PLEKHA6: variants seen among roughly 807,000 people sequenced by gnomAD.
PLEKHA6 encodes pleckstrin homology domain containing A6.
A neutral mutation model predicts 116.7 loss-of-function variants in PLEKHA6; 60 were observed. The observed-to-expected ratio is 0.51, with a 90% confidence interval of 0.42 to 0.64. The LOEUF is 0.64. PLEKHA6 is among the 30% of genes least tolerant of loss of function. The pLI is 0.00. For synonymous variants in PLEKHA6, 489 were observed against 556.1 expected (o/e 0.88, Z 1.70); for missense variants, 1,338 against 1,422.7 (o/e 0.94, Z 0.96).
chr1:204,262,891 C>T (rs1012525393), intron 6 of PLEKHA6, among the ~76,000 whole-genome samples: 2 of 152,060 alleles, frequency 1.3e-5, no homozygotes, highest in African/African-American at 2.4e-5. Flanking sequence ...GATAGAGAGA[C>T]CAGGGGCCCA....
In PLEKHA6 at chr1:204,245,680, T is replaced by C. The variant is rs775915212; in HGVS notation, c.1967A>G (p.Gln656Arg). 2 of 1,613,826 alleles carry C rather than the reference T, an allele frequency of 1.2e-6. No individual in the cohort carries two copies. The highest frequency in any genetic ancestry group is 1.7e-5 in the Admixed American group (1 of 59,996). Residue 656 changes from glutamine (Q) to arginine (R), a missense_variant, in exon 14 of 23, where the codon CAG (glutamine) becomes CGG (arginine). Physicochemically the swap from Gln to Arg is conservative, Grantham distance 43. This residue lies in a region of PLEKHA6 where 1,136 missense variants were observed against 1,163.6 expected (regional missense o/e 0.98). Coordinates refer to ENST00000272203, the MANE Select transcript of PLEKHA6 (RefSeq NM_014935.5). ...CTTCCTCAGCCCCTCCATCACGTCCTGGATCCTCCAGATCTCCTTTTGGAT... is the reference window on the plus strand; with the variant it reads ...CTTCCTCAGCCCCTCCATCACGTCCCGGATCCTCCAGATCTCCTTTTGGAT... Reference protein sequence around the residue: ...RQIQKEIWRIQDVMEGLRKNN... With the variant: ...RQIQKEIWRIRDVMEGLRKNN...
intron 1 of PLEKHA6, among the ~76,000 whole-genome samples, chr1:204,337,548 A>G (rs1419329574): frequency 6.6e-6 from 1 of 152,248 alleles, no homozygotes; most frequent in Admixed American, 6.5e-5. Context: ...ATGAGGAAAA[A>G]GAAAGAATTA....
chr1:204,280,994 C>T lies in PLEKHA6; in HGVS notation c.-94-6185G>A, dbSNP rs183014506. On this transcript the variant is annotated intron_variant, in intron 1 of 22. Coordinates refer to ENST00000272203, the MANE Select transcript of PLEKHA6 (RefSeq NM_014935.5). ...AGAGGGTCAGGCCCTGGCAGCACTTCTAGGTATTTGCAGGTGGGAAGGAAC... is the reference window on the plus strand; with the variant it reads ...AGAGGGTCAGGCCCTGGCAGCACTTTTAGGTATTTGCAGGTGGGAAGGAAC... 35 of 984,864 alleles carry T rather than the reference C, an allele frequency of 3.6e-5. No homozygotes were observed. In the East Asian group the frequency reaches 3.9e-3, roughly 109 times the overall value. 61.0% of individuals were successfully genotyped at this position (984,864 alleles called of 1,614,324 possible).
chr1:204,316,761 T>C (rs1225751526), intron 1 of PLEKHA6, among the ~76,000 whole-genome samples: 1 of 152,248 alleles, frequency 6.6e-6, no homozygotes, highest in Non-Finnish European at 1.5e-5. Flanking sequence ...TTTGAACCCA[T>C]TCCCCACTAG....
In PLEKHA6 at chr1:204,245,677, T is replaced by C. The variant is rs902249029; in HGVS notation, c.1970A>G (p.Asp657Gly). Residue 657 changes from aspartate to glycine, a missense_variant, in exon 14 of 23, where the codon GAC becomes GGC. Transcript: ENST00000272203. ...QIQKEIWRIQ[D>G]VMEGLRKNNP... The stretch of plus-strand genomic sequence containing the variant: ...GTTCTTCCTCAGCCCCTCCATCACG[T>C]CCTGGATCCTCCAGATCTCCTTTTG... 2 of 1,613,686 alleles carry C rather than the reference T, an allele frequency of 1.2e-6. No individual in the cohort carries two copies. The highest frequency in any genetic ancestry group is 1.7e-6 in the Non-Finnish European group (2 of 1,179,856).
chr1:204,377,621 G>A (rs12751225), exon 1 of PLEKHA6: 1 of 152,316 alleles, frequency 6.6e-6, no homozygotes. Context: ...CAACTCCGTA[G>A]GCCCACCGGC....
intron 21 of PLEKHA6, among the ~76,000 whole-genome samples, chr1:204,224,090 C>T (rs531735009): frequency 1.3e-5 from 2 of 152,080 alleles, no homozygotes; most frequent in Non-Finnish European, 2.9e-5. Context: ...AAACTTAAAG[C>T]GAGTTCTGTC....
chr1:204,328,037 TTTTATTTATTTTA>T (rs1434448497), intron 1 of PLEKHA6, among the ~76,000 whole-genome samples: 1 of 131,166 alleles, frequency 7.6e-6, no homozygotes, highest in Non-Finnish European at 1.6e-5. Context: ...AAGAAGCTGC[TTTTATTTATTTTA>T]TTTATTTATT....
intron 14 of PLEKHA6, 45 bp from the exon 15 acceptor site, chr1:204,245,048 G>T: frequency 7.4e-7 from 1 of 1,348,872 alleles, no homozygotes; most frequent in Non-Finnish European, 9.6e-7. Context: ...GGAGGGGTGC[G>T]GCCTGGTGGG....
intron 1 of PLEKHA6, among the ~76,000 whole-genome samples, chr1:204,347,787 G>A (rs1673118745): frequency 6.6e-6 from 1 of 152,104 alleles, no homozygotes; most frequent in Non-Finnish European, 1.5e-5. Context: ...GGTCACCCTG[G>A]ACAAGCTGGG....
chr1:204,247,188 C>T (rs1663814412), intron 13 of PLEKHA6, among the ~76,000 whole-genome samples, 177 bp downstream of exon 13: 1 of 152,206 alleles, frequency 6.6e-6, no homozygotes, highest in African/African-American at 2.4e-5. Context: ...TAACTGAAGT[C>T]TCCCAAGCTT....
rs531113101 is a variant in PLEKHA6 at position 204,253,846 on chromosome 1, A to C, written c.1525-3232T>G. Among the ~76,000 whole-genome samples, 17 of 145,062 alleles carry C rather than the reference A, an allele frequency of 1.2e-4. No individual in the cohort carries two copies. The East Asian group carries it at 1.6e-3, about 14-fold the overall frequency. ...GAGATCTTGTCTCAAAAAAAAAAAAAAAAACAAAAACAAAAACAAACAAAC... is the reference window on the plus strand; with the variant it reads ...GAGATCTTGTCTCAAAAAAAAAAAACAAAACAAAAACAAAAACAAACAAAC... On this transcript the variant is annotated intron_variant, in intron 9 of 22. Transcript: ENST00000272203.
At chr1:204,354,134 C>G (rs1282765686) in intron 1 of PLEKHA6, among the ~76,000 whole-genome samples, 1 of 152,186 alleles carries the variant, frequency 6.6e-6, no homozygotes, top group East Asian at 1.9e-4. Flanking sequence ...ATGAGCCAGA[C>G]TGGGGGGACA....
intron 1 of PLEKHA6, among the ~76,000 whole-genome samples, chr1:204,326,118 C>G (rs1672233963): frequency 6.6e-6 from 1 of 152,212 alleles, no homozygotes; most frequent in African/African-American, 2.4e-5. Context: ...TCCACGTGTC[C>G]AGTCCTGCTG....
chr1:204,292,518 C>CCCCCTGGCTG (rs1669872358), intron 1 of PLEKHA6, among the ~76,000 whole-genome samples: 1 of 151,966 alleles, frequency 6.6e-6, no homozygotes, highest in East Asian at 1.9e-4. Context: ...CTGTGTCCCT[C>CCCCCTGGCTG]ACCCTGGCTG....
At chr1:204,367,629 CA>C (rs1386271803) in intron 3 of PLEKHA6, among the ~76,000 whole-genome samples, 1 of 152,176 alleles carries the variant, frequency 6.6e-6, no homozygotes, top group Non-Finnish European at 1.5e-5. Context: ...CGCACTGATA[CA>C]TACGTTCCCA....
chr1:204,257,979 C>T lies in PLEKHA6; in HGVS notation c.1008-110G>A. On this transcript the variant is annotated intron_variant, in intron 8 of 22. Coordinates refer to ENST00000272203, the MANE Select transcript of PLEKHA6 (RefSeq NM_014935.5). This position sits in a 1 kb window ranked among gnomAD's most constrained non-coding sequence, Gnocchi z 6.5. ...CTAGAGCAGGGTGCTTGAATAGGTA[C>T]ACAGGGGCTGAGGTTTATTCCAGAG... 1.1e-6 allele frequency: 1 copy of T among 925,412 alleles called. No individual in the cohort carries two copies. Among genetic ancestry groups the T allele is most frequent in the Non-Finnish European group, 1.6e-6 (1 of 615,182 alleles). The allele number at this position is 925,412 out of a possible 1,614,324, so 57.3% of individuals were successfully genotyped here. A position where few individuals can be genotyped will look rare whatever the true frequency, so the allele number is the denominator to read the frequency against.
rs60251937 is a variant in PLEKHA6, at chr1:204,308,687, C to CTTTTT, written c.-94-33883_-94-33879dup. Among the ~76,000 whole-genome samples the CTTTTT allele has an allele frequency of 4.8e-3, 393 of 81,380 alleles. 39 individuals carry two copies. Among genetic ancestry groups the CTTTTT allele is most frequent in the South Asian group, 0.014 (28 of 2,022 alleles). 53.4% of individuals were successfully genotyped at this position (81,380 alleles called of 152,430 possible). A position where few individuals can be genotyped will look rare whatever the true frequency, so the allele number is the denominator to read the frequency against. ...CAAGAAGGTAATTCTTTTTCTTTTTCTTTTTTTTTTTTTTTTTTTTTGAGA... is the reference window on the plus strand; with the variant it reads ...CAAGAAGGTAATTCTTTTTCTTTTTCTTTTTTTTTTTTTTTTTTTTTTTTTTGAGA... On this transcript the variant is annotated intron_variant, in intron 1 of 22. Coordinates refer to ENST00000272203, the MANE Select transcript of PLEKHA6 (RefSeq NM_014935.5).
intron 16 of PLEKHA6, 72 bp from the exon 17 acceptor site, chr1:204,241,553 A>G: frequency 7.2e-7 from 1 of 1,397,348 alleles, no homozygotes; most frequent in Non-Finnish European, 9.7e-7. Flanking sequence ...CTCAGAGACA[A>G]TCTCAGCCCC....
Sources: gnomAD v4.1 joint callset for allele counts (sites outside exome capture counted in the v4.1 genomes callset) on GRCh38, gnomAD v4.1.1 for gene constraint, gnomAD v4.1.1 regional missense constraint, Gnocchi (gnomAD v3.1) non-coding constraint, MANE v1.5 for transcripts, NCBI Gene and HGNC (gene_info 2026-07-23, HGNC 2026-07-21) for gene names.